CIROZ: variants seen among roughly 807,000 people sequenced by gnomAD.
The protein encoded by CIROZ is ciliated left-right organizer ZP-N domains-containing protein.
chr1:10,965,955 C>T, the CIROZ span, among the ~76,000 whole-genome samples: 6 of 152,156 alleles, frequency 3.9e-5, no homozygotes, highest in African/African-American at 1.4e-4. Context: ...TCCTCAGCAC[C>T]ATTTATTCAC....
chr1:10,968,132 C>G, the CIROZ span, among the ~76,000 whole-genome samples: 3 of 152,054 alleles, frequency 2.0e-5, no homozygotes, highest in African/African-American at 7.3e-5. Context: ...GCACTCCAGC[C>G]TGGGCAACAA....
chr1:10,953,216 A>G, the CIROZ span, among the ~76,000 whole-genome samples: 25 of 152,202 alleles, frequency 1.6e-4, no homozygotes, highest in East Asian at 3.1e-3. Context: ...TCCTCGTGAC[A>G]GGGCAAACTT....
At chr1:10,950,873 C>T in the CIROZ span, among the ~76,000 whole-genome samples, 1 of 152,162 alleles carries the variant, frequency 6.6e-6, no homozygotes, top group Admixed American at 6.5e-5. Context: ...TAACCAGGTT[C>T]TCGTGGAAAA....
At chr1:10,975,313 G>A in the CIROZ span, among the ~76,000 whole-genome samples, 60 of 151,788 alleles carry the variant, frequency 4.0e-4, no homozygotes, top group African/African-American at 1.4e-3. Context: ...GGCTGAGGCA[G>A]GAGAATCGCT....
the CIROZ span, among the ~76,000 whole-genome samples, chr1:10,951,021 C>G: frequency 5.9e-5 from 9 of 152,282 alleles, no homozygotes; most frequent in East Asian, 1.7e-3. Context: ...CAACACTGAG[C>G]TTTGCTGCCT....
chr1:10,958,744 C>G, the CIROZ span: 4 of 1,614,032 alleles, frequency 2.5e-6, no homozygotes, highest in South Asian at 4.4e-5. Flanking sequence ...GGGGCAGGGG[C>G]CGGGAGACCT....
At chr1:10,966,042 G>A in the CIROZ span, among the ~76,000 whole-genome samples, 3 of 152,166 alleles carry the variant, frequency 2.0e-5, no homozygotes, top group African/African-American at 7.2e-5. Context: ...CCTCACCCCA[G>A]AGACTCCAGG....
the CIROZ span, among the ~76,000 whole-genome samples, chr1:10,963,381 T>C: frequency 6.6e-6 from 1 of 152,016 alleles, no homozygotes; most frequent in South Asian, 2.1e-4. Flanking sequence ...AGAGCAAGAC[T>C]CCATCTCAAA....
At chr1:10,970,012 C>T in the CIROZ span, 1 of 1,537,080 alleles carries the variant, frequency 6.5e-7, no homozygotes. Flanking sequence ...CTCAGCCCCT[C>T]CACGTGGCTC....
the CIROZ span, among the ~76,000 whole-genome samples, chr1:10,961,259 C>T: frequency 1.1e-4 from 16 of 152,176 alleles, no homozygotes; most frequent in African/African-American, 3.9e-4. Flanking sequence ...CAAACAGGTG[C>T]CCTGGCAGCC....
chr1:10,971,259 G>A, the CIROZ span, among the ~76,000 whole-genome samples: 7 of 150,636 alleles, frequency 4.6e-5, no homozygotes, highest in Admixed American at 6.6e-5. Context: ...GACCAGAGGG[G>A]AGAGGCAGTG....
At chr1:10,953,980 C>T in the CIROZ span, 1 of 1,586,172 alleles carries the variant, frequency 6.3e-7, no homozygotes, top group South Asian at 1.2e-5. Flanking sequence ...TGGTGTGTGC[C>T]TGTTACCAGC....
At chr1:10,960,621 G>T in the CIROZ span, among the ~76,000 whole-genome samples, 1 of 152,228 alleles carries the variant, frequency 6.6e-6, no homozygotes, top group African/African-American at 2.4e-5. The surrounding 1 kb of genome is among the most constrained non-coding windows in gnomAD (Gnocchi z 4.6). Flanking sequence ...TAGTTATTGC[G>T]CGGCCTCCCG....
the CIROZ span, among the ~76,000 whole-genome samples, chr1:10,970,425 C>T: frequency 1.4e-4 from 21 of 152,004 alleles, no homozygotes; most frequent in Non-Finnish European, 2.2e-4. Flanking sequence ...GCCAGGAGTT[C>T]GAGACCAGCC....
At chr1:10,948,555 C>T in the CIROZ span, 6 of 1,613,960 alleles carry the variant, frequency 3.7e-6, no homozygotes, top group South Asian at 1.1e-5. Flanking sequence ...TGATTCAGGT[C>T]GTTCAGGCCT....
chr1:10,974,189 G>A, the CIROZ span, among the ~76,000 whole-genome samples: 1 of 152,142 alleles, frequency 6.6e-6, no homozygotes, highest in South Asian at 2.1e-4. The surrounding 1 kb of genome is among the most constrained non-coding windows in gnomAD (Gnocchi z 4.4). Context: ...CCCTGGACTG[G>A]AGTAGGGACT....
the CIROZ span, among the ~76,000 whole-genome samples, chr1:10,974,926 GA>G: frequency 6.6e-6 from 1 of 152,180 alleles, no homozygotes; most frequent in East Asian, 1.9e-4. This position sits in a 1 kb window ranked among gnomAD's most constrained non-coding sequence, Gnocchi z 4.4. Flanking sequence ...TAGTGTTGGA[GA>G]CTCTTGAACC....
chr1:10,958,813 C>A, the CIROZ span: 1 of 1,581,602 alleles, frequency 6.3e-7, no homozygotes, highest in African/African-American at 1.3e-5. Flanking sequence ...GAGCAAACAT[C>A]CCTGCCTGTG....
chr1:10,957,213 C>A, the CIROZ span: 1 of 853,158 alleles, frequency 1.2e-6, no homozygotes, highest in South Asian at 1.8e-5. Context: ...AGTCTCTGAA[C>A]TAAAGCCCCA....
Sources: allele counts gnomAD v4.1 joint callset (sites outside exome capture counted in the v4.1 genomes callset), GRCh38; gene constraint gnomAD v4.1.1; non-coding constraint Gnocchi (gnomAD v3.1); transcripts MANE v1.5; gene names NCBI Gene and HGNC (gene_info 2026-07-23, HGNC 2026-07-21).